The following TACC2 variants were observed in gnomAD, a reference collection of about 807,000 sequenced individuals.
TACC2 encodes the protein transforming acidic coiled-coil-containing protein 2.
A neutral mutation model predicts 227.3 loss-of-function variants in TACC2; 137 were observed. The ratio of observed to expected loss-of-function variants is 0.60; its 90% CI spans 0.52 to 0.69. The LOEUF is 0.69. Among genes scored for constraint, TACC2 ranks in the 30% least tolerant of loss-of-function variants. The pLI is 0.00. For missense variants in TACC2, 3,470 were observed against 3,694.4 expected (o/e 0.94, Z 1.57); for synonymous variants, 1,523 against 1,487.5 (o/e 1.02, Z -0.55).
At chr10:122,091,030 A>G (rs1232106060) in intron 5 of TACC2, among the ~76,000 whole-genome samples, 2 of 152,232 alleles carry the variant, frequency 1.3e-5, no homozygotes, top group African/African-American at 2.4e-5. Flanking sequence ...ATGAGCCACC[A>G]TACTCAGCCT....
intron 16 of TACC2, among the ~76,000 whole-genome samples, chr10:122,232,998 A>C (rs61265902): frequency 0.011 from 1,605 of 152,254 alleles, 35 homozygotes; most frequent in African/African-American, 0.036. Context: ...TAGAGTGGGG[A>C]GTGATTTTCC....
At chr10:122,151,095 A>G (rs1174695639) in intron 7 of TACC2, among the ~76,000 whole-genome samples, 2 of 152,216 alleles carry the variant, frequency 1.3e-5, no homozygotes, top group Non-Finnish European at 2.9e-5. Flanking sequence ...TTTGACAAGT[A>G]GGAGGCATTG....
intron 5 of TACC2, among the ~76,000 whole-genome samples, chr10:122,118,474 C>T (rs1043356898): frequency 6.6e-6 from 1 of 152,196 alleles, no homozygotes; most frequent in Non-Finnish European, 1.5e-5. Context: ...CTCTCTGCAT[C>T]CTCAGTACCT....
chr10:122,122,592 C>T (rs372015674), intron 5 of TACC2, among the ~76,000 whole-genome samples: 5 of 151,554 alleles, frequency 3.3e-5, no homozygotes, highest in African/African-American at 4.8e-5. Flanking sequence ...CTCCAGGGTC[C>T]GTTTGATAAG....
At chr10:122,200,193 C>T (rs749843955) in intron 8 of TACC2, among the ~76,000 whole-genome samples, 1 of 152,246 alleles carries the variant, frequency 6.6e-6, no homozygotes, top group Non-Finnish European at 1.5e-5. Flanking sequence ...GATTCTGATG[C>T]AGTCCAGGCA....
chr10:122,176,621 C>T (rs1031503221), intron 7 of TACC2, among the ~76,000 whole-genome samples: 2 of 151,782 alleles, frequency 1.3e-5, no homozygotes, highest in Non-Finnish European at 2.9e-5. Flanking sequence ...TTGTAGATAA[C>T]CATGCAGATT....
chr10:122,195,274 A>G, intron 8 of TACC2, 98 bp downstream of exon 8: 1 of 1,092,472 alleles, frequency 9.2e-7, no homozygotes, highest in Non-Finnish European at 1.3e-6. Context: ...GGAGGCGAGC[A>G]CTGACTCGAC....
At chr10:122,019,651 T>C (rs1440883869) in intron 1 of TACC2, 1 of 152,258 alleles carries the variant, frequency 6.6e-6, no homozygotes, top group African/African-American at 2.4e-5. Flanking sequence ...GAAACGCTGA[T>C]TCCCTGTGGG....
intron 3 of TACC2, among the ~76,000 whole-genome samples, chr10:122,071,923 G>C (rs114775591): frequency 6.7e-6 from 1 of 148,412 alleles, no homozygotes; most frequent in Admixed American, 6.7e-5. Flanking sequence ...ACTTGTGTAG[G>C]ATACTTTGGG....
intron 7 of TACC2, among the ~76,000 whole-genome samples, chr10:122,186,848 AAGG>A (rs2094212914): frequency 6.6e-6 from 1 of 152,198 alleles, no homozygotes; most frequent in South Asian, 2.1e-4. Flanking sequence ...TAAGTTAATC[AAGG>A]AGTTTAGCTA....
intron 1 of TACC2, among the ~76,000 whole-genome samples, chr10:122,013,664 G>A (rs561294970): frequency 1.4e-3 from 208 of 152,348 alleles, no homozygotes; most frequent in Non-Finnish European, 2.6e-3. Context: ...GTCCTCCACT[G>A]ACACAGAACC....
Position 122,211,544 on chromosome 10 carries a change from C to A in TACC2, c.7119C>A (p.Thr2373=), listed in dbSNP as rs1315632999. Residue 2373 remains threonine, a synonymous_variant, in exon 9 of 23, where the codon ACC becomes ACA. Transcript: ENST00000369005. ...PQQSYNFDPD[T]CDESVDPFKT... ...AATCATACAACTTTGACCCAGACAC[C>A]TGTGATGAGTCCGTTGACCCCTTTA... 4.3e-6 allele frequency: 7 copies of A among 1,613,874 alleles called. No individual in the cohort carries two copies. Among genetic ancestry groups the A allele is most frequent in the Non-Finnish European group, 5.9e-6 (7 of 1,180,002 alleles).
Position 122,050,858 on chromosome 10 carries a change from AG to A in TACC2, c.146+312del. 1 of 327,796 alleles carries A rather than the reference AG, an allele frequency of 3.1e-6. No individual in the cohort carries two copies. Among genetic ancestry groups the A allele is most frequent in the Non-Finnish European group, 5.6e-6 (1 of 177,592 alleles). The allele number at this position is 327,796 out of a possible 1,614,324, so 20.3% of individuals were successfully genotyped here. A position where few individuals can be genotyped will look rare whatever the true frequency, so the allele number is the denominator to read the frequency against. ...AAAATGGAAAACATCAAGGGTTCCC[AG>A]GGGTTTATCAGTGTCTAATCCGTGG... On this transcript the variant is annotated intron_variant, in intron 3 of 22. Coordinates refer to ENST00000369005, the MANE Select transcript of TACC2 (RefSeq NM_206862.4). The surrounding 1 kb of genome is among the most constrained non-coding windows in gnomAD (Gnocchi z 4.6).
chr10:122,017,985 T>C (rs1956897407), intron 1 of TACC2, among the ~76,000 whole-genome samples: 1 of 141,340 alleles, frequency 7.1e-6, no homozygotes, highest in East Asian at 2.0e-4. Context: ...AAAGTAGACC[T>C]CATTCGTTTT....
At chr10:122,236,916 A>C (rs1045416862) in intron 16 of TACC2, among the ~76,000 whole-genome samples, 26 of 152,326 alleles carry the variant, frequency 1.7e-4, no homozygotes, top group African/African-American at 5.8e-4. Flanking sequence ...ACAGAGCTAA[A>C]CAAATGCCCC....
intron 5 of TACC2, among the ~76,000 whole-genome samples, chr10:122,090,607 C>G (rs923431589): frequency 6.8e-6 from 1 of 147,622 alleles, no homozygotes; most frequent in Non-Finnish European, 1.5e-5. Flanking sequence ...AAATTCACAA[C>G]CACAATACCT....
chr10:122,083,772 A>T lies in TACC2; in HGVS notation c.1272A>T (p.Ser424=), dbSNP rs929354267. 1.2e-6 allele frequency: 2 copies of T among 1,614,046 alleles called. No homozygotes were observed. Among genetic ancestry groups the T allele is most frequent in the Non-Finnish European group, 1.7e-6 (2 of 1,180,018 alleles). The part of the protein sequence containing the change: ...EEAHPASSLA[S]FPAAQIPIAV... ...CACATCCAGCTTCAAGCCTCGCTTC[A>T]TTCCCAGCTGCTCAGATTCCTATTG... The change falls in exon 4 of 23, where the codon TCA becomes TCT. Residue 424 remains serine, a synonymous_variant. Coordinates refer to ENST00000369005, the MANE Select transcript of TACC2 (RefSeq NM_206862.4).
intron 6 of TACC2, among the ~76,000 whole-genome samples, chr10:122,142,453 C>T (rs1447181501): frequency 6.6e-6 from 1 of 152,236 alleles, no homozygotes; most frequent in Non-Finnish European, 1.5e-5. Context: ...GACTTATGGG[C>T]AAGACTGAGT....
At chr10:122,168,949 G>A (rs2093336236) in intron 7 of TACC2, among the ~76,000 whole-genome samples, 1 of 152,222 alleles carries the variant, frequency 6.6e-6, no homozygotes, top group Non-Finnish European at 1.5e-5. Flanking sequence ...AAGATTAATG[G>A]TGAGGACTTA....
Sources: gnomAD v4.1 joint callset for allele counts (sites outside exome capture counted in the v4.1 genomes callset) on GRCh38, gnomAD v4.1.1 for gene constraint, Gnocchi (gnomAD v3.1) non-coding constraint, MANE v1.5 for transcripts, NCBI Gene and HGNC (gene_info 2026-07-23, HGNC 2026-07-21) for gene names.